The following IDE variants were observed in gnomAD, a reference collection of about 807,000 sequenced individuals.
IDE encodes the protein insulin degrading enzyme.
A neutral mutation model predicts 133.2 loss-of-function variants in IDE; 58 were observed. That is an observed-to-expected ratio of 0.44 (90% CI 0.35 to 0.54). IDE has a LOEUF of 0.54. Ranked by LOEUF, IDE falls within the 20% of genes least tolerant of loss-of-function variation. The pLI, the probability that IDE is intolerant of heterozygous loss-of-function variation, is 0.00. For missense variants in IDE, 981 were observed against 1,234.0 expected (o/e 0.79, Z 3.07); for synonymous variants, 396 against 421.3 (o/e 0.94, Z 0.73).
At chr10:92,556,116 T>C (rs1202205963) in intron 1 of IDE, among the ~76,000 whole-genome samples, 1 of 129,988 alleles carries the variant, frequency 7.7e-6, no homozygotes, top group Non-Finnish European at 1.5e-5. Flanking sequence ...GAGCTTGCAG[T>C]GAGCCGAGAT....
intron 1 of IDE, among the ~76,000 whole-genome samples, chr10:92,541,844 A>G (rs1285184850): frequency 6.6e-6 from 1 of 152,186 alleles, no homozygotes; most frequent in Non-Finnish European, 1.5e-5. Flanking sequence ...AGAACCCACC[A>G]GAGACCTACT....
intron 17 of IDE, among the ~76,000 whole-genome samples, chr10:92,472,688 G>C (rs971839285): frequency 2.7e-5 from 4 of 149,990 alleles, no homozygotes; most frequent in Admixed American, 1.3e-4. Context: ...TGCCAGGCTG[G>C]AGTGCAGTGG....
At chr10:92,473,352 A>AT (rs1846079190) in intron 17 of IDE, among the ~76,000 whole-genome samples, 1 of 151,990 alleles carries the variant, frequency 6.6e-6, no homozygotes, top group Non-Finnish European at 1.5e-5. Context: ...ACCAATCTAC[A>AT]TTTTTTTCCA....
At chr10:92,522,874 G>A (rs560449691) in intron 4 of IDE, among the ~76,000 whole-genome samples, 63 of 152,184 alleles carry the variant, frequency 4.1e-4, no homozygotes, top group African/African-American at 1.4e-3. Flanking sequence ...AAATTAGCAA[G>A]AAAAAGGAGG....
At chr10:92,478,595 A>G (rs541728525) in intron 15 of IDE, 8 of 1,048,862 alleles carry the variant, frequency 7.6e-6, no homozygotes, top group Non-Finnish European at 8.2e-6. Context: ...CAAGCTCAAC[A>G]TAATGCTTAA....
chr10:92,458,311 T>C (rs932685544), intron 22 of IDE, among the ~76,000 whole-genome samples: 2 of 152,138 alleles, frequency 1.3e-5, no homozygotes, highest in Admixed American at 1.3e-4. Context: ...GGACTTCTTA[T>C]AATTTCTAAA....
At chr10:92,519,756 T>C (rs1849121441) in intron 4 of IDE, among the ~76,000 whole-genome samples, 1 of 152,206 alleles carries the variant, frequency 6.6e-6, no homozygotes. Context: ...GTTTACTTAT[T>C]CATAAATGGG....
At chr10:92,477,272 C>T (rs1846316928) in intron 15 of IDE, among the ~76,000 whole-genome samples, 1 of 152,156 alleles carries the variant, frequency 6.6e-6, no homozygotes, top group Admixed American at 6.5e-5. Flanking sequence ...CCCACCTCAG[C>T]CTCTGGAGTA....
chr10:92,508,987 A>AT, intron 6 of IDE, 97 bp from the exon 7 acceptor site: 1 of 935,750 alleles, frequency 1.1e-6, no homozygotes, highest in Non-Finnish European at 1.7e-6. Flanking sequence ...AGAATCCCAA[A>AT]TTTAAGAGCA....
intron 4 of IDE, among the ~76,000 whole-genome samples, chr10:92,531,410 C>T (rs1334833463): frequency 6.6e-6 from 1 of 152,088 alleles, no homozygotes; most frequent in South Asian, 2.1e-4. Context: ...GTGGATTCAA[C>T]AATACTACAG....
chr10:92,453,753 G>T lies in IDE; in HGVS notation c.*691C>A, dbSNP rs1844851181. The stretch of plus-strand genomic sequence containing the variant: ...TCAATATAATTCAATCAGAATGAAA[G>T]AAACCACAGTAATCCTGAGAAATTC... On this transcript the variant is annotated 3_prime_UTR_variant, in exon 25 of 25. Transcript: ENST00000265986. 1 of 152,184 alleles carries T rather than the reference G, an allele frequency of 6.6e-6. No individual in the cohort carries two copies. Among genetic ancestry groups the T allele is most frequent in the Non-Finnish European group, 1.5e-5 (1 of 68,034 alleles). The allele number at this position is 152,184 out of a possible 1,614,324, so 9.4% of individuals were successfully genotyped here.
chr10:92,500,633 C>A (rs879763507), intron 11 of IDE, among the ~76,000 whole-genome samples: 1 of 152,162 alleles, frequency 6.6e-6, no homozygotes, highest in Non-Finnish European at 1.5e-5. Flanking sequence ...TATCTGGACT[C>A]TGTTCTCTTC....
At chr10:92,472,978 T>G (rs1206992350) in intron 17 of IDE, among the ~76,000 whole-genome samples, 2 of 134,794 alleles carry the variant, frequency 1.5e-5, no homozygotes, top group African/African-American at 5.7e-5. Flanking sequence ...AGTCTCACTC[T>G]GTCGCCCAGG....
At chr10:92,548,341 A>G (rs1366423342) in intron 1 of IDE, among the ~76,000 whole-genome samples, 2 of 145,274 alleles carry the variant, frequency 1.4e-5, no homozygotes, top group Admixed American at 7.1e-5. Flanking sequence ...CCTGGGCAAC[A>G]AGAGCAAAAC....
At chr10:92,571,005 C>G (rs1449239408) in intron 1 of IDE, among the ~76,000 whole-genome samples, 4 of 151,480 alleles carry the variant, frequency 2.6e-5, no homozygotes, top group African/African-American at 9.7e-5. Context: ...TTTTAAGACA[C>G]AGTCTCGCTC....
At chr10:92,541,680 C>T (rs1342087884) in intron 1 of IDE, among the ~76,000 whole-genome samples, 2 of 152,152 alleles carry the variant, frequency 1.3e-5, no homozygotes, top group Admixed American at 1.3e-4. Flanking sequence ...GTAATTACAA[C>T]ATATATTTTG....
chr10:92,541,842 C>T (rs907797132), intron 1 of IDE, among the ~76,000 whole-genome samples: 2 of 152,132 alleles, frequency 1.3e-5, no homozygotes, highest in Non-Finnish European at 1.5e-5. Context: ...TCAGAACCCA[C>T]CAGAGACCTA....
chr10:92,538,566 A>G (rs1842135040), intron 1 of IDE, among the ~76,000 whole-genome samples: 1 of 152,230 alleles, frequency 6.6e-6, no homozygotes, highest in Admixed American at 6.5e-5. Context: ...TGTCAGAAAA[A>G]TTCTCTTGCA....
At chr10:92,478,840 T>C in intron 15 of IDE, 1 of 1,046,558 alleles carries the variant, frequency 9.6e-7, no homozygotes, top group Non-Finnish European at 1.2e-6. Flanking sequence ...AGCAGTGGCA[T>C]GGTAATGAAG....
Sources: gnomAD v4.1 joint callset for allele counts (sites outside exome capture counted in the v4.1 genomes callset) on GRCh38, gnomAD v4.1.1 for gene constraint, MANE v1.5 for transcripts, NCBI Gene and HGNC (gene_info 2026-07-23, HGNC 2026-07-21) for gene names.